ANKS1B: variants seen among roughly 807,000 people sequenced by gnomAD.
The protein encoded by ANKS1B is ankyrin repeat and sterile alpha motif domain-containing protein 1B.
Under a neutral mutation model 148.3 loss-of-function variants are expected in ANKS1B, and 36 were observed. That is an observed-to-expected ratio of 0.24 (90% CI 0.19 to 0.32). The LOEUF (loss-of-function observed/expected upper bound fraction) is 0.32. ANKS1B is among the 10% of genes least tolerant of loss of function. The probability of loss-of-function intolerance (pLI) is 1.00; values close to 1 mark genes in which losing one functional copy is unlikely to be tolerated. For missense variants in ANKS1B, 1,157 were observed against 1,542.6 expected, an observed-to-expected ratio of 0.75 and a Z score of 4.19; for synonymous variants, 542 against 560.8, an observed-to-expected ratio of 0.97 and a Z score of 0.47.
chr12:99,515,892 T>C (rs1245795883), intron 9 of ANKS1B, among the ~76,000 whole-genome samples: 1 of 152,168 alleles, frequency 6.6e-6, no homozygotes, highest in African/African-American at 2.4e-5. Flanking sequence ...GTAGTTTTGA[T>C]TTGCATGTCT....
At chr12:99,962,978 G>T (rs2095436259) in intron 1 of ANKS1B, among the ~76,000 whole-genome samples, 1 of 152,018 alleles carries the variant, frequency 6.6e-6, no homozygotes, top group African/African-American at 2.4e-5. Flanking sequence ...CACACCCGGA[G>T]AATTTTTTGT....
intron 1 of ANKS1B, among the ~76,000 whole-genome samples, chr12:99,926,298 A>C (rs1870489046): frequency 6.6e-6 from 1 of 152,208 alleles, no homozygotes; most frequent in South Asian, 2.1e-4. Context: ...CTGTCAATTT[A>C]AGGTCCCCAG....
intron 15 of ANKS1B, among the ~76,000 whole-genome samples, chr12:99,113,706 C>A (rs1446340659): frequency 6.6e-6 from 1 of 152,162 alleles, no homozygotes; most frequent in Non-Finnish European, 1.5e-5. Flanking sequence ...CCAACCCCCA[C>A]CCTTTCACTA....
chr12:99,173,897 T>C (rs2078074660), intron 14 of ANKS1B, among the ~76,000 whole-genome samples: 1 of 152,168 alleles, frequency 6.6e-6, no homozygotes, highest in South Asian at 2.1e-4. Context: ...CAAAATCTGG[T>C]GCTGTCGGTG....
chr12:98,973,817 G>A (rs969122821), intron 17 of ANKS1B, among the ~76,000 whole-genome samples: 1 of 151,766 alleles, frequency 6.6e-6, no homozygotes, highest in Non-Finnish European at 1.5e-5. Context: ...CTTTATTATA[G>A]ATATCTATCT....
chr12:99,599,717 G>C (rs1200648746), intron 9 of ANKS1B, among the ~76,000 whole-genome samples: 1 of 152,002 alleles, frequency 6.6e-6, no homozygotes, highest in African/African-American at 2.4e-5. Flanking sequence ...GGGGATAACT[G>C]TGAATAGGAA....
intron 14 of ANKS1B, among the ~76,000 whole-genome samples, chr12:99,211,499 C>T (rs963536655): frequency 6.6e-6 from 1 of 152,226 alleles, no homozygotes; most frequent in Admixed American, 6.5e-5. Context: ...CCCATCTCCT[C>T]TTGCTTAGCT....
intron 1 of ANKS1B, among the ~76,000 whole-genome samples, chr12:99,892,972 C>A (rs547298455): frequency 2.3e-3 from 357 of 152,216 alleles, no homozygotes; most frequent in Middle Eastern, 6.8e-3. Context: ...CATTAGAGGA[C>A]CCCCCACCAT....
chr12:99,216,927 T>C (rs11109763), intron 14 of ANKS1B, among the ~76,000 whole-genome samples: 19,465 of 152,132 alleles, frequency 0.13, 1,518 homozygotes, highest in South Asian at 0.27. Context: ...GCCCTGAAAA[T>C]GAAGATGCAG....
intron 17 of ANKS1B, among the ~76,000 whole-genome samples, chr12:99,027,246 G>A (rs1295787369): frequency 6.6e-6 from 1 of 152,186 alleles, no homozygotes; most frequent in Admixed American, 6.5e-5. Flanking sequence ...CATGGGTCTT[G>A]TTACTGGAAA....
intron 17 of ANKS1B, among the ~76,000 whole-genome samples, chr12:99,025,993 T>C (rs910463151): frequency 3.9e-5 from 6 of 152,228 alleles, no homozygotes; most frequent in African/African-American, 1.4e-4. Flanking sequence ...ATGTGCTTTA[T>C]GGCCTACTCC....
chr12:99,008,455 A>G (rs914253442), intron 17 of ANKS1B, among the ~76,000 whole-genome samples: 5 of 152,178 alleles, frequency 3.3e-5, no homozygotes, highest in African/African-American at 1.2e-4. Flanking sequence ...ATAGGGAACA[A>G]TTTTAGTTTC....
At chr12:98,949,159 A>G (rs577342487) in intron 17 of ANKS1B, among the ~76,000 whole-genome samples, 2 of 151,796 alleles carry the variant, frequency 1.3e-5, no homozygotes, top group East Asian at 3.9e-4. Context: ...TCACTGTGTT[A>G]GCCAGGACGG....
At position 99,657,245 on chromosome 12, in the gene ANKS1B, C is replaced by A. The variant is rs75686798; in HGVS notation, c.1129-2035G>T. Among the ~76,000 whole-genome samples the A allele has an allele frequency of 5.3e-3, 804 of 152,164 alleles. 6 individuals carry two copies. The highest frequency in any genetic ancestry group is 0.018 in the African/African-American group (765 of 41,504). On this transcript the variant is annotated intron_variant, in intron 8 of 26. Coordinates refer to ENST00000683438, the MANE Select transcript of ANKS1B (RefSeq NM_001352186.2). Reference sequence around the variant, plus strand: ...AGAGGCCAAGTAAAACCCAAGGTCACGAAGCTGGCAAGTGGCAGAAAAAGG... The same window carrying A: ...AGAGGCCAAGTAAAACCCAAGGTCAAGAAGCTGGCAAGTGGCAGAAAAAGG...
At chr12:99,109,594 G>C (rs1035369418) in intron 15 of ANKS1B, among the ~76,000 whole-genome samples, 3 of 152,080 alleles carry the variant, frequency 2.0e-5, no homozygotes, top group African/African-American at 7.2e-5. Context: ...CTACTTCGCA[G>C]GGTTCAAAAT....
intron 1 of ANKS1B, among the ~76,000 whole-genome samples, chr12:99,931,703 A>G (rs1301264685): frequency 6.6e-6 from 1 of 152,182 alleles, no homozygotes. Flanking sequence ...TTTGATACAG[A>G]AATACAGTGT....
At chr12:99,415,194 C>CA (rs1214322005) in intron 11 of ANKS1B, among the ~76,000 whole-genome samples, 5 of 152,114 alleles carry the variant, frequency 3.3e-5, no homozygotes, top group Admixed American at 1.3e-4. Flanking sequence ...AACTATTTTG[C>CA]AAAAAATACT....
At chr12:98,922,313 C>T (rs907082834) in intron 17 of ANKS1B, among the ~76,000 whole-genome samples, 8 of 152,218 alleles carry the variant, frequency 5.3e-5, no homozygotes, top group Middle Eastern at 3.4e-3. Flanking sequence ...AGAGTCTACA[C>T]GCTTTTTAGT....
chr12:99,750,403 C>A (rs560771790), intron 8 of ANKS1B, among the ~76,000 whole-genome samples: 32 of 152,082 alleles, frequency 2.1e-4, no homozygotes, highest in Non-Finnish European at 4.0e-4. Flanking sequence ...TTAATAAATT[C>A]ATGTTTATAC....
Sources: gnomAD v4.1 joint callset for allele counts (sites outside exome capture counted in the v4.1 genomes callset) on GRCh38, gnomAD v4.1.1 for gene constraint, MANE v1.5 for transcripts, NCBI Gene and HGNC (gene_info 2026-07-23, HGNC 2026-07-21) for gene names.